SLC39A12: variants seen among roughly 807,000 people sequenced by gnomAD.
SLC39A12 encodes the protein solute carrier family 39 member 12, also known as zinc transporter ZIP12.
SLC39A12 carries 63 observed loss-of-function variants against 71.1 expected under a neutral mutation model. The observed-to-expected ratio is 0.89, with a 90% CI of 0.72 to 1.09. The LOEUF is 1.09. Ranked by LOEUF, SLC39A12 falls within the 50% of genes least tolerant of loss-of-function variation. The pLI is 0.00. For synonymous variants in SLC39A12, 351 were observed against 301.3 expected (o/e 1.16, Z -1.71); for missense variants, 892 against 812.6 (o/e 1.10, Z -1.19).
chr10:17,970,304 T>G (rs1394518145), intron 4 of SLC39A12, among the ~76,000 whole-genome samples: 2 of 152,152 alleles, frequency 1.3e-5, no homozygotes, highest in Non-Finnish European at 2.9e-5. Context: ...TTAGGGTAGT[T>G]TTTTCTATTT....
intron 12 of SLC39A12, among the ~76,000 whole-genome samples, chr10:18,036,773 TATATA>T (rs1837046805): frequency 3.7e-4 from 9 of 24,144 alleles, no homozygotes; most frequent in African/African-American, 1.6e-3. Flanking sequence ...TATATATATA[TATATA>T]TATATATATA....
intron 4 of SLC39A12, among the ~76,000 whole-genome samples, chr10:17,975,187 T>A (rs1042471814): frequency 1.3e-5 from 2 of 151,978 alleles, no homozygotes; most frequent in Admixed American, 1.3e-4. Flanking sequence ...CCAGGACAGG[T>A]CCAGAAATCC....
chr10:18,015,799 AT>A (rs1175031775), intron 12 of SLC39A12, among the ~76,000 whole-genome samples: 1 of 151,750 alleles, frequency 6.6e-6, no homozygotes, highest in Non-Finnish European at 1.5e-5. Context: ...CACCTACACT[AT>A]CCAAATGGTG....
intron 6 of SLC39A12, among the ~76,000 whole-genome samples, chr10:17,983,654 T>C (rs2497834): frequency 0.27 from 40,352 of 151,442 alleles, 6,113 homozygotes; most frequent in East Asian, 0.53. Context: ...TGCTGGCGGG[T>C]GCCTATAATC....
intron 4 of SLC39A12, 143 bp from the exon 5 acceptor site, chr10:17,977,759 A>AAATGTCCATTC (rs1417922519): frequency 9.8e-5 from 57 of 583,480 alleles, no homozygotes; most frequent in African/African-American, 9.4e-4. Context: ...TCGTGGGTGG[A>AAATGTCCATTC]AATGTCCATT....
intron 12 of SLC39A12, among the ~76,000 whole-genome samples, chr10:18,023,046 A>G (rs534452981): frequency 1.2e-3 from 188 of 152,202 alleles, no homozygotes; most frequent in Non-Finnish European, 2.1e-3. Context: ...CTAAGAGTGT[A>G]GGCTCCTCTC....
At chr10:17,984,930 C>T (rs9664208) in intron 6 of SLC39A12, among the ~76,000 whole-genome samples, 45,674 of 152,012 alleles carry the variant, frequency 0.3, 8,993 homozygotes, top group African/African-American at 0.56. Flanking sequence ...AGTTTTTTGC[C>T]TCTTCTGAGT....
chr10:17,953,804 G>T (rs1554847462), intron 2 of SLC39A12, among the ~76,000 whole-genome samples: 1 of 152,184 alleles, frequency 6.6e-6, no homozygotes, highest in East Asian at 1.9e-4. Flanking sequence ...GCATTTATTT[G>T]TGAGCGCGAA....
intron 12 of SLC39A12, among the ~76,000 whole-genome samples, chr10:18,038,068 G>A (rs1168163355): frequency 2.3e-5 from 3 of 129,630 alleles, no homozygotes; most frequent in African/African-American, 9.1e-5. Context: ...CTAACTGTAT[G>A]GCAAGTTATC....
chr10:17,978,789 C>A (rs936679349), intron 5 of SLC39A12, among the ~76,000 whole-genome samples: 13 of 152,190 alleles, frequency 8.5e-5, no homozygotes, highest in Non-Finnish European at 1.5e-5. Context: ...CTTTGTGATT[C>A]TTGATGGTAT....
chr10:18,019,302 C>A (rs1836465831), intron 12 of SLC39A12, among the ~76,000 whole-genome samples: 1 of 151,934 alleles, frequency 6.6e-6, no homozygotes, highest in Admixed American at 6.6e-5. Flanking sequence ...GTTAGCCTAG[C>A]CAGAGTCTTA....
intron 12 of SLC39A12, among the ~76,000 whole-genome samples, chr10:18,022,477 C>A (rs897708088): frequency 3.3e-5 from 5 of 152,110 alleles, no homozygotes; most frequent in Non-Finnish European, 7.4e-5. Flanking sequence ...TCAGTTCTAT[C>A]AGCTCACTTT....
chr10:18,035,016 C>A (rs1378362013), intron 12 of SLC39A12, among the ~76,000 whole-genome samples: 2 of 149,350 alleles, frequency 1.3e-5, no homozygotes, highest in East Asian at 2.0e-4. Context: ...CCGAGAGATC[C>A]GCTGTTAGTC....
At chr10:18,021,808 G>A (rs1402980751) in intron 12 of SLC39A12, among the ~76,000 whole-genome samples, 1 of 152,130 alleles carries the variant, frequency 6.6e-6, no homozygotes, top group African/African-American at 2.4e-5. Context: ...TGGAAGTCAG[G>A]TCTGGTGGTT....
intron 4 of SLC39A12, among the ~76,000 whole-genome samples, chr10:17,972,838 A>G (rs934706605): frequency 6.6e-6 from 1 of 151,760 alleles, no homozygotes; most frequent in Middle Eastern, 3.2e-3. Flanking sequence ...TTTCCATTCA[A>G]TATTATTATT....
chr10:17,990,152 A>G (rs1236708429), intron 7 of SLC39A12, among the ~76,000 whole-genome samples: 1 of 152,150 alleles, frequency 6.6e-6, no homozygotes, highest in Non-Finnish European at 1.5e-5. Flanking sequence ...ATGATATTAC[A>G]AATGTTCCCT....
chr10:18,003,399 G>A lies in SLC39A12; in HGVS notation c.1947+41G>A, dbSNP rs1180184074. ...TTTCTATTTGATTTTTCTAAGCACT[G>A]AAAATGTAAAACAGAGAAAAAAAAC... On this transcript the variant is annotated intron_variant, in intron 12 of 12. Transcript: ENST00000377369. 7 of 1,546,628 alleles carry A rather than the reference G, an allele frequency of 4.5e-6. No homozygotes were observed. The South Asian group carries it at 7.3e-5, about 16-fold the overall frequency.
rs977265162 is a variant in SLC39A12, at chr10:18,041,773, A to T, written c.1948-932A>T. Reference sequence around the variant, plus strand: ...TATATATGTGTATACATATGTATACATATGTATATACATATGTGTCTATAT... The same window carrying T: ...TATATATGTGTATACATATGTATACTTATGTATATACATATGTGTCTATAT... On this transcript the variant is annotated intron_variant, in intron 12 of 12. Coordinates refer to ENST00000377369, the MANE Select transcript of SLC39A12 (RefSeq NM_001145195.2). Among the ~76,000 whole-genome samples the T allele has an allele frequency of 2.1e-5, 3 of 143,198 alleles. No individual in the cohort carries two copies. The South Asian group carries it at 6.4e-4, about 30-fold the overall frequency. The allele number at this position is 143,198 out of a possible 152,430, so 93.9% of individuals were successfully genotyped here.
At chr10:18,000,523 T>A in intron 10 of SLC39A12, 144 bp from the exon 11 acceptor site, 1 of 760,848 alleles carries the variant, frequency 1.3e-6, no homozygotes, top group Admixed American at 2.5e-5. Context: ...TAGTCCTGAC[T>A]TTTGCGGAAA....
Sources: gnomAD v4.1 joint callset for allele counts (sites outside exome capture counted in the v4.1 genomes callset) on GRCh38, gnomAD v4.1.1 for gene constraint, MANE v1.5 for transcripts, NCBI Gene and HGNC (gene_info 2026-07-23, HGNC 2026-07-21) for gene names.